Variants in BRAP observed in about 807,000 individuals in gnomAD.
The protein encoded by BRAP is BRCA1-associated protein.
Under a neutral mutation model 73.4 loss-of-function variants are expected in BRAP, and 42 were observed. That is an observed-to-expected ratio of 0.57 (90% CI 0.45 to 0.74). The LOEUF is 0.74. BRAP is among the 30% of genes least tolerant of loss of function. The probability of loss-of-function intolerance (pLI) is 0.00; values close to 1 mark genes in which losing one functional copy is unlikely to be tolerated. For missense variants in BRAP, 593 were observed against 751.4 expected (o/e 0.79, Z 2.46); for synonymous variants, 255 against 267.4 (o/e 0.95, Z 0.45).
chr12:111,685,623 G>T, intron 1 of BRAP, 88 bp downstream of exon 1: 1 of 1,438,914 alleles, frequency 6.9e-7, no homozygotes, highest in Non-Finnish European at 9.1e-7. Context: ...CCCTCGCCGC[G>T]GGCTTTTCCC....
At position 111,683,196 on chromosome 12, in the gene BRAP, C is replaced by T. The variant is rs771071598; in HGVS notation, c.194G>A (p.Gly65Asp). The T allele has an allele frequency of 1.9e-6, 3 of 1,614,124 alleles. No homozygotes were observed. Among genetic ancestry groups the T allele is most frequent in the Non-Finnish European group, 2.5e-6 (3 of 1,180,020 alleles). The change falls in exon 2 of 12, where the codon GGC becomes GAC. Residue 65 changes from glycine to aspartate, a missense_variant. Transcript: ENST00000419234. ...EKVAIIHQHL[G>D]RREMTDVIIE... is the part of the protein sequence containing the mutation. ...GATCACATCTGTCATTTCTCGACGGCCGAGATGCTGATGGATAATCGCTAC... is the reference window on the plus strand; with the variant it reads ...GATCACATCTGTCATTTCTCGACGGTCGAGATGCTGATGGATAATCGCTAC...
intron 11 of BRAP, among the ~76,000 whole-genome samples, chr12:111,646,659 G>T (rs1261573927): frequency 6.6e-6 from 1 of 152,070 alleles, no homozygotes; most frequent in African/African-American, 2.4e-5. Flanking sequence ...TGTAATCCCA[G>T]CTACTCGGGA....
intron 5 of BRAP, among the ~76,000 whole-genome samples, chr12:111,666,057 G>T (rs746064649): frequency 2.6e-5 from 4 of 152,126 alleles, no homozygotes; most frequent in Non-Finnish European, 5.9e-5. Flanking sequence ...CTCCTGGCAG[G>T]ATATCCTCAA....
intron 7 of BRAP, among the ~76,000 whole-genome samples, 153 bp downstream of exon 7, chr12:111,660,447 C>A (rs1014554401): frequency 6.6e-6 from 1 of 151,526 alleles, no homozygotes; most frequent in Non-Finnish European, 1.5e-5. Context: ...GCCAGGAGTT[C>A]GAGACCAGCC....
intron 11 of BRAP, among the ~76,000 whole-genome samples, chr12:111,649,032 C>T (rs570619606): frequency 1.3e-5 from 2 of 152,184 alleles, no homozygotes; most frequent in Admixed American, 6.5e-5. Flanking sequence ...AAAAAAAACC[C>T]GTCCGGTTTT....
At position 111,644,166 on chromosome 12, in the gene BRAP, G is replaced by C. The variant is rs989864751; in HGVS notation, c.*33C>G. 4.4e-6 allele frequency: 7 copies of C among 1,587,888 alleles called. No homozygotes were observed. Among genetic ancestry groups the C allele is most frequent in the African/African-American group, 2.7e-5 (2 of 74,688 alleles). ...CAGCACACTCTCACAGTGTCAGGGA[G>C]AACAGTCTCAGGGATGTCTGTTGCT... On this transcript the variant is annotated 3_prime_UTR_variant, in exon 12 of 12. Transcript: ENST00000419234.
At chr12:111,664,091 C>T (rs1221340326) in intron 6 of BRAP, among the ~76,000 whole-genome samples, 2 of 152,130 alleles carry the variant, frequency 1.3e-5, no homozygotes, top group Non-Finnish European at 1.5e-5. Context: ...TTTGCGAGGC[C>T]AAGGCAGGAA....
At chr12:111,667,325 T>C (rs780080185) in intron 5 of BRAP, among the ~76,000 whole-genome samples, 1 of 152,120 alleles carries the variant, frequency 6.6e-6, no homozygotes, top group African/African-American at 2.4e-5. Context: ...AATATAATAT[T>C]GTAGGAGTTT....
In BRAP at chr12:111,643,995, C is replaced by T. The variant is rs779394258; in HGVS notation, c.*204G>A. 16 of 808,548 alleles carry T rather than the reference C, an allele frequency of 2.0e-5. No homozygotes were observed. The East Asian group carries it at 2.5e-4, about 13-fold the overall frequency. The allele number at this position is 808,548 out of a possible 1,614,324, so 50.1% of individuals were successfully genotyped here. A position where few individuals can be genotyped will look rare whatever the true frequency, so the allele number is the denominator to read the frequency against. ...GGTTAGTGAACTCTTAAGACCTTTT[C>T]GAACGCAGCGCCTTTCTATCAGCTC... is the stretch of plus-strand genomic sequence containing the variant. On this transcript the variant is annotated 3_prime_UTR_variant, in exon 12 of 12. Transcript: ENST00000419234.
At chr12:111,674,904 C>G (rs1164116979) in intron 4 of BRAP, among the ~76,000 whole-genome samples, 2 of 152,176 alleles carry the variant, frequency 1.3e-5, no homozygotes, top group Non-Finnish European at 2.9e-5. Context: ...CTCTTCAGAG[C>G]CTCAGGCACC....
At position 111,644,383 on chromosome 12, in the gene BRAP, T is replaced by G; in HGVS notation, c.1595A>C (p.Gln532Pro). The G allele has an allele frequency of 6.2e-7, 1 of 1,613,998 alleles. No homozygotes were observed. Among genetic ancestry groups the G allele is most frequent in the Non-Finnish European group, 8.5e-7 (1 of 1,179,986 alleles). ...CAGGTAGAACATGACGTCACGCAGCTGCTCCTGGATCTCGGTGATCTGCAG... is the reference window on the plus strand; with the variant it reads ...CAGGTAGAACATGACGTCACGCAGCGGCTCCTGGATCTCGGTGATCTGCAG... Reference protein sequence around the residue: ...KDLQITEIQEQLRDVMFYLET... With the variant: ...KDLQITEIQEPLRDVMFYLET... Residue 532 changes from glutamine (Q) to proline (P), a missense_variant, in exon 12 of 12, where the codon CAG (glutamine) becomes CCG (proline). Physicochemically the swap from Gln to Pro is moderately conservative, Grantham distance 76 (BLOSUM62 -1). Coordinates refer to ENST00000419234, the MANE Select transcript of BRAP (RefSeq NM_006768.5).
At chr12:111,681,601 AAT>A (rs1468379636) in intron 3 of BRAP, 34 bp downstream of exon 3, 8 of 1,515,954 alleles carry the variant, frequency 5.3e-6, no homozygotes, top group East Asian at 4.6e-5. Flanking sequence ...AAAAAAAAAA[AAT>A]TGACTAACCC....
At chr12:111,646,524 C>T (rs917252187) in intron 11 of BRAP, among the ~76,000 whole-genome samples, 4 of 152,138 alleles carry the variant, frequency 2.6e-5, no homozygotes, top group Non-Finnish European at 5.9e-5. Context: ...CCTGTTATCC[C>T]AGCACTTTGG....
At chr12:111,644,700 A>G in intron 11 of BRAP, 138 bp from the exon 12 acceptor site, 1 of 1,357,694 alleles carries the variant, frequency 7.4e-7, no homozygotes, top group East Asian at 2.3e-5. Flanking sequence ...GTGAGGGAGA[A>G]TGGTTTTCTG....
intron 11 of BRAP, among the ~76,000 whole-genome samples, chr12:111,646,844 C>T (rs1261503009): frequency 6.6e-6 from 1 of 152,102 alleles, no homozygotes; most frequent in Non-Finnish European, 1.5e-5. Flanking sequence ...GGAATTTATA[C>T]CATAGAATAG....
intron 6 of BRAP, among the ~76,000 whole-genome samples, chr12:111,661,568 C>T (rs967475807): frequency 6.6e-6 from 1 of 152,076 alleles, no homozygotes. Context: ...CGTCAGCCAC[C>T]GTGCTCAGCC....
rs747617051 is a variant in BRAP, at chr12:111,658,971, C to G, written c.1112-126G>C. ...CCTTACAATATTTCTTTAAAAGTGT[C>G]AAATCATTTGAATTTTAGAGGGGAG... On this transcript the variant is annotated intron_variant, in intron 8 of 11. Coordinates refer to ENST00000419234, the MANE Select transcript of BRAP (RefSeq NM_006768.5). The G allele has an allele frequency of 2.7e-4, 229 of 841,122 alleles. 1 individual carries two copies. Among genetic ancestry groups the G allele is most frequent in the Non-Finnish European group, 3.8e-4 (210 of 554,706 alleles). 52.1% of individuals were successfully genotyped at this position (841,122 alleles called of 1,614,324 possible). A position where few individuals can be genotyped will look rare whatever the true frequency, so the allele number is the denominator to read the frequency against.
At chr12:111,679,392 AAAC>A in intron 3 of BRAP, 52 bp from the exon 4 acceptor site, 1 of 1,279,574 alleles carries the variant, frequency 7.8e-7, no homozygotes, top group Non-Finnish European at 1.0e-6. Flanking sequence ...TGGTTAGTTT[AAAC>A]AATACTAGAC....
At chr12:111,667,716 A>AAAAAAAAAAAAAAAAAAAAAAAAC (rs1887005585) in intron 5 of BRAP, among the ~76,000 whole-genome samples, 1 of 147,250 alleles carries the variant, frequency 6.8e-6, no homozygotes, top group Non-Finnish European at 1.5e-5. Flanking sequence ...AAAAAAAAAA[A>AAAAAAAAAAAAAAAAAAAAAAAAC]AAAAAGCTCA....
Sources: gnomAD v4.1 joint callset for allele counts (sites outside exome capture counted in the v4.1 genomes callset) on GRCh38, gnomAD v4.1.1 for gene constraint, MANE v1.5 for transcripts, NCBI Gene and HGNC (gene_info 2026-07-23, HGNC 2026-07-21) for gene names.